Variants in TRPM1 observed in about 807,000 individuals in gnomAD.
The protein encoded by TRPM1 is transient receptor potential cation channel subfamily M member 1, also known as TRPM1-203 APA Isoform, Intron 10.
In TRPM1, 113 loss-of-function variants were observed where a neutral mutation model predicts 149.4. The observed-to-expected ratio is 0.76, with a 90% CI of 0.65 to 0.88. The LOEUF (loss-of-function observed/expected upper bound fraction) is 0.88, where lower values mean the gene tolerates loss of function less well. Among genes scored for constraint, TRPM1 ranks in the 40% least tolerant of loss-of-function variants. The probability of loss-of-function intolerance (pLI) is 0.00; values close to 1 mark genes in which losing one functional copy is unlikely to be tolerated. For missense variants in TRPM1, 1,976 were observed against 2,038.7 expected, an observed-to-expected ratio of 0.97 and a Z score of 0.59; for synonymous variants, 741 against 759.5, an observed-to-expected ratio of 0.98 and a Z score of 0.40.
At position 31,037,719 on chromosome 15, in the gene TRPM1, A is replaced by T; in HGVS notation, c.2563T>A (p.Phe855Ile). 6.2e-7 allele frequency: 1 copy of T among 1,614,214 alleles called. No individual in the cohort carries two copies. The highest frequency in any genetic ancestry group is 8.5e-7 in the Non-Finnish European group (1 of 1,180,040). Residue 855 changes from phenylalanine to isoleucine, a missense_variant, in exon 20 of 28, where the codon TTT becomes ATT. Physicochemically the swap from Phe to Ile is conservative, Grantham distance 21. This residue lies in a region of TRPM1 where 1,332 missense variants were observed against 1,347.1 expected (regional missense o/e 0.99). Coordinates refer to ENST00000256552, the MANE Select transcript of TRPM1 (RefSeq NM_001252024.2). ...TCAGGAGGAGGCCTCACTGTGTAAA[A>T]CCAGAACTTGACAATGGGCGCGTTA... ...FYNAPIVKFW[F>I]YTISYLGYLL...
At chr15:31,041,125 T>A (rs1299539961) in intron 17 of TRPM1, among the ~76,000 whole-genome samples, 1 of 151,686 alleles carries the variant, frequency 6.6e-6, no homozygotes, top group Non-Finnish European at 1.5e-5. Flanking sequence ...TTCAAATATT[T>A]GGCAATAACC....
intron 1 of TRPM1, among the ~76,000 whole-genome samples, chr15:31,128,298 G>A (rs2035976250): frequency 6.6e-6 from 1 of 152,130 alleles, no homozygotes; most frequent in African/African-American, 2.4e-5. Context: ...CCTGTCCTGG[G>A]CTGTGCCCAC....
intron 1 of TRPM1, among the ~76,000 whole-genome samples, chr15:31,159,575 T>C (rs2036420083): frequency 1.3e-5 from 2 of 152,230 alleles, no homozygotes; most frequent in South Asian, 2.1e-4. Flanking sequence ...AGCAGATATA[T>C]GCGCCTGTCC....
intron 16 of TRPM1, 90 bp downstream of exon 16, chr15:31,046,114 A>G: frequency 3.9e-6 from 5 of 1,290,962 alleles, no homozygotes; most frequent in Non-Finnish European, 5.6e-6. Flanking sequence ...TTTGGTGAGT[A>G]GTATCGTATA....
rs532819770 is a variant in TRPM1, at chr15:31,084,735, G to A, written c.-83-3297C>T. On this transcript the variant is annotated intron_variant, in intron 1 of 27. Coordinates refer to ENST00000256552, the MANE Select transcript of TRPM1 (RefSeq NM_001252024.2). ...GTCGCCTAGGCTGGAGTGCAGTGGC[G>A]CGATCTTGGCTCACTGCAAACTCCA... 7.4e-3 allele frequency among the ~76,000 whole-genome samples: 1,087 copies of A among 147,470 alleles called. 11 individuals carry two copies. The highest frequency in any genetic ancestry group is 8.8e-3 in the Non-Finnish European group (592 of 67,170).
At position 31,039,259 on chromosome 15, in the gene TRPM1, G is replaced by A. The variant is rs112114296; in HGVS notation, c.2316+859C>T. Among the ~76,000 whole-genome samples, 1,264 of 152,100 alleles carry A rather than the reference G, an allele frequency of 8.3e-3. 19 individuals carry two copies. The highest frequency in any genetic ancestry group is 0.029 in the African/African-American group (1,184 of 41,488). ...ATTTGATGTTCATCCCCATGTAGGC[G>A]ATCTACTTTAGTTTCCTGAAAACCT... On this transcript the variant is annotated intron_variant, in intron 18 of 27. Transcript: ENST00000256552.
At chr15:31,072,524 T>G (rs1479670280) in intron 3 of TRPM1, among the ~76,000 whole-genome samples, 1 of 152,164 alleles carries the variant, frequency 6.6e-6, no homozygotes, top group Non-Finnish European at 1.5e-5. Context: ...GTTTTCATTT[T>G]TCTTGGGTAT....
Position 31,067,155 on chromosome 15 carries a change from C to T in TRPM1, c.526G>A (p.Asp176Asn). 1 of 1,614,128 alleles carries T rather than the reference C, an allele frequency of 6.2e-7. No homozygotes were observed. Among genetic ancestry groups the T allele is most frequent in the Non-Finnish European group, 8.5e-7 (1 of 1,180,018 alleles). The change falls in exon 6 of 28, where the codon GAC becomes AAC. Residue 176 changes from aspartate (D) to asparagine (N), a missense_variant. Asp to Asn is a conservative substitution (Grantham distance 23). Around this residue, in one of 3 missense-constraint regions of TRPM1, gnomAD observed 1,332 missense variants for 1,347.1 expected, o/e 0.99. Coordinates refer to ENST00000256552, the MANE Select transcript of TRPM1 (RefSeq NM_001252024.2). ...CGGCCTCTGGACTTGGAGGAGTGGT[C>T]TTTCAAGGCATCCCCTACGTGGCTG... Reference protein sequence around the residue: ...VISHVGDALKDHSSKSRGRVC... With the variant: ...VISHVGDALKNHSSKSRGRVC...
chr15:31,115,481 C>T (rs1031037599), intron 1 of TRPM1, among the ~76,000 whole-genome samples: 2 of 152,014 alleles, frequency 1.3e-5, no homozygotes, highest in African/African-American at 4.8e-5. Context: ...CTTCTAGAAT[C>T]GGAGAAAATG....
chr15:31,113,897 A>C (rs2035759823), intron 1 of TRPM1, among the ~76,000 whole-genome samples: 1 of 152,236 alleles, frequency 6.6e-6, no homozygotes, highest in African/African-American at 2.4e-5. Context: ...TTTGCTGGCT[A>C]ACGGGTGGGC....
chr15:31,130,643 C>A (rs555640293), intron 1 of TRPM1, among the ~76,000 whole-genome samples: 6 of 152,138 alleles, frequency 3.9e-5, no homozygotes, highest in South Asian at 2.1e-4. Flanking sequence ...TTTTGTAGAC[C>A]CTGCATTCTG....
chr15:31,004,506 T>C (rs994072910), intron 27 of TRPM1, among the ~76,000 whole-genome samples: 6 of 152,138 alleles, frequency 3.9e-5, no homozygotes, highest in Non-Finnish European at 7.3e-5. Flanking sequence ...TCTGTGTTTG[T>C]ATGTGTGGTT....
Position 31,038,027 on chromosome 15 carries a change from T to C in TRPM1, c.2439+17A>G. ...CAAGATTACACTGATATGCTTAGGG[T>C]CAAGTGTGTCACTGACCGTATTTTC... On this transcript the variant is annotated intron_variant, in intron 19 of 27. Transcript: ENST00000256552. 3 of 1,614,082 alleles carry C rather than the reference T, an allele frequency of 1.9e-6. No individual in the cohort carries two copies. The highest frequency in any genetic ancestry group is 2.5e-6 in the Non-Finnish European group (3 of 1,179,996).
At chr15:31,008,795 C>T (rs1215450727) in intron 27 of TRPM1, among the ~76,000 whole-genome samples, 2 of 152,154 alleles carry the variant, frequency 1.3e-5, no homozygotes, top group African/African-American at 4.8e-5. Context: ...TATTTTACCA[C>T]TTCAATTTGA....
At chr15:31,105,258 A>G (rs568787261), upstream of TRPM1, among the ~76,000 whole-genome samples, 1 of 152,346 alleles carries the variant, frequency 6.6e-6, no homozygotes, top group Non-Finnish European at 1.5e-5. Flanking sequence ...GCTATCTGGA[A>G]TGCAAAGATG....
Position 31,082,239 on chromosome 15 carries a change from A to C in TRPM1, c.-83-801T>G, listed in dbSNP as rs572742786. 3.3e-5 allele frequency among the ~76,000 whole-genome samples: 5 copies of C among 152,246 alleles called. No individual in the cohort carries two copies. In the South Asian group the frequency reaches 1.0e-3, roughly 32 times the overall value. On this transcript the variant is annotated intron_variant, in intron 1 of 27. Transcript: ENST00000256552. ...GTGCAAAATATTCCAGTCCATCAGAAATGGTTATTTTGAATGCCTCTGTGC... is the reference window on the plus strand; with the variant it reads ...GTGCAAAATATTCCAGTCCATCAGACATGGTTATTTTGAATGCCTCTGTGC...
rs370477875 is a variant in TRPM1 at position 31,089,230 on chromosome 15, C to G, written c.-83-7792G>C. 1.1e-4 allele frequency among the ~76,000 whole-genome samples: 17 copies of G among 152,144 alleles called. No individual in the cohort carries two copies. The East Asian group carries it at 2.1e-3, about 19-fold the overall frequency. On this transcript the variant is annotated intron_variant, in intron 1 of 27. Coordinates refer to ENST00000256552, the MANE Select transcript of TRPM1 (RefSeq NM_001252024.2). Reference sequence around the variant, plus strand: ...AGTTCGTAATTCTCTGACCATGTGGCCAGCGTGTCCCCCACTGGGTGGGTT... The same window carrying G: ...AGTTCGTAATTCTCTGACCATGTGGGCAGCGTGTCCCCCACTGGGTGGGTT...
At chr15:31,067,766 A>G (rs998780664) in intron 5 of TRPM1, 113 bp downstream of exon 5, 3 of 1,038,356 alleles carry the variant, frequency 2.9e-6, no homozygotes, top group Admixed American at 1.8e-5. Context: ...AGTCATAAAT[A>G]GGATCAGGAT....
chr15:31,002,733 T>A lies in TRPM1; in HGVS notation c.3967A>T (p.Thr1323Ser). The stretch of plus-strand genomic sequence containing the variant: ...TCTTCCTTTATACGGAAGGAACAGG[T>A]TTTTTTCCTGACTCCTGTCCCTGGT... ...TSPGTGVRKK[T>S]CSFRIKEEKD... The change falls in exon 28 of 28, where the codon ACC becomes TCC. Residue 1323 changes from threonine (T) to serine (S), a missense_variant. Around this residue, in one of 3 missense-constraint regions of TRPM1, gnomAD observed 572 missense variants for 578.9 expected, o/e 0.99. Transcript: ENST00000256552. The A allele has an allele frequency of 6.2e-7, 1 of 1,614,138 alleles. No individual in the cohort carries two copies. The highest frequency in any genetic ancestry group is 8.5e-7 in the Non-Finnish European group (1 of 1,180,036).
Sources: gnomAD v4.1 joint callset for allele counts (sites outside exome capture counted in the v4.1 genomes callset) on GRCh38, gnomAD v4.1.1 for gene constraint, gnomAD v4.1.1 regional missense constraint, MANE v1.5 for transcripts, NCBI Gene and HGNC (gene_info 2026-07-23, HGNC 2026-07-21) for gene names.